CNTNAP2: variants seen among roughly 807,000 people sequenced by gnomAD.
CNTNAP2 encodes the protein contactin associated protein 2.
A neutral mutation model predicts 155.2 loss-of-function variants in CNTNAP2; 98 were observed. The ratio of observed to expected loss-of-function variants is 0.63; its 90% CI spans 0.54 to 0.75. CNTNAP2 has a LOEUF of 0.75. Ranked by LOEUF, CNTNAP2 falls within the 30% of genes least tolerant of loss-of-function variation. The pLI, the probability that CNTNAP2 is intolerant of heterozygous loss-of-function variation, is 0.00. For missense variants in CNTNAP2, 1,727 were observed against 1,688.1 expected (o/e 1.02, Z -0.40); for synonymous variants, 651 against 631.2 (o/e 1.03, Z -0.47).
chr7:148,063,910 G>A (rs182185992), intron 15 of CNTNAP2, among the ~76,000 whole-genome samples: 1 of 152,178 alleles, frequency 6.6e-6, no homozygotes, highest in Admixed American at 6.5e-5. Flanking sequence ...TTTTATATAA[G>A]GTGAGAGATG....
At chr7:147,333,833 C>T (rs530238005) in intron 9 of CNTNAP2, among the ~76,000 whole-genome samples, 1 of 152,140 alleles carries the variant, frequency 6.6e-6, no homozygotes, top group Non-Finnish European at 1.5e-5. Flanking sequence ...AAAATACAGG[C>T]AGTCATGGAC....
chr7:148,229,551 G>A lies in CNTNAP2; in HGVS notation c.3248-95G>A, dbSNP rs1278530527. The A allele has an allele frequency of 6.8e-6, 10 of 1,462,836 alleles. 1 individual carries two copies. The African/African-American group carries it at 7.0e-5, about 10-fold the overall frequency. The allele number at this position is 1,462,836 out of a possible 1,614,324, so 90.6% of individuals were successfully genotyped here. ...AAAGAAAGAAAAGAAAAGAAAGGAA[G>A]AAAGAAAGAATCTAAGAGCAGGAAT... On this transcript the variant is annotated intron_variant, in intron 19 of 23. Coordinates refer to ENST00000361727, the MANE Select transcript of CNTNAP2 (RefSeq NM_014141.6).
At chr7:147,737,707 C>T (rs1796879881) in intron 13 of CNTNAP2, among the ~76,000 whole-genome samples, 3 of 152,312 alleles carry the variant, frequency 2.0e-5, no homozygotes, top group South Asian at 4.1e-4. Context: ...CTACTCAAGC[C>T]TCAGCAATGG....
At chr7:146,844,733 A>G (rs1393005597) in intron 3 of CNTNAP2, among the ~76,000 whole-genome samples, 4 of 152,160 alleles carry the variant, frequency 2.6e-5, no homozygotes, top group Non-Finnish European at 5.9e-5. Context: ...GGATAGGAAC[A>G]TACTACAAAT....
intron 11 of CNTNAP2, among the ~76,000 whole-genome samples, chr7:147,519,327 T>A (rs1175068108): frequency 6.6e-6 from 1 of 152,208 alleles, no homozygotes; most frequent in Non-Finnish European, 1.5e-5. Flanking sequence ...CGCATTGCTC[T>A]GGCACTGACT....
chr7:147,919,448 A>AC (rs1461798472), intron 14 of CNTNAP2, among the ~76,000 whole-genome samples: 1 of 82,900 alleles, frequency 1.2e-5, no homozygotes, highest in East Asian at 3.9e-4. Context: ...ATGTCTGGCT[A>AC]CTTTTTCTTT....
At chr7:147,407,749 G>C (rs1797034371) in intron 10 of CNTNAP2, among the ~76,000 whole-genome samples, 1 of 152,120 alleles carries the variant, frequency 6.6e-6, no homozygotes, top group Non-Finnish European at 1.5e-5. Flanking sequence ...TACAGATAAT[G>C]ATTTCTATAG....
intron 2 of CNTNAP2, among the ~76,000 whole-genome samples, chr7:146,822,167 T>C (rs1803298468): frequency 6.6e-6 from 1 of 152,142 alleles, no homozygotes; most frequent in Non-Finnish European, 1.5e-5. Flanking sequence ...TCATGTCCTT[T>C]GTAGGGACAT....
At chr7:148,412,558 G>A (rs1426463342) in intron 23 of CNTNAP2, among the ~76,000 whole-genome samples, 2 of 152,306 alleles carry the variant, frequency 1.3e-5, no homozygotes, top group African/African-American at 4.8e-5. Context: ...CTTGCCTTCT[G>A]TGACCTTGCT....
intron 12 of CNTNAP2, among the ~76,000 whole-genome samples, chr7:147,599,837 A>C (rs949395236): frequency 6.6e-6 from 1 of 152,180 alleles, no homozygotes; most frequent in Admixed American, 6.5e-5. Flanking sequence ...ATCTGCAAAG[A>C]CGCTATTTCC....
intron 13 of CNTNAP2, among the ~76,000 whole-genome samples, chr7:147,835,886 A>G (rs865817551): frequency 2.4e-4 from 36 of 152,260 alleles, no homozygotes; most frequent in Middle Eastern, 3.4e-3. Flanking sequence ...TCACAAGACC[A>G]AGAATGCCAG....
chr7:147,421,914 CA>C (rs1457786908), intron 10 of CNTNAP2, among the ~76,000 whole-genome samples: 1 of 151,842 alleles, frequency 6.6e-6, no homozygotes, highest in Non-Finnish European at 1.5e-5. Flanking sequence ...GGCCTTTTTC[CA>C]TAAGTAAAGC....
At chr7:146,866,298 C>T (rs1347906689) in intron 3 of CNTNAP2, among the ~76,000 whole-genome samples, 1 of 151,838 alleles carries the variant, frequency 6.6e-6, no homozygotes, top group Non-Finnish European at 1.5e-5. Flanking sequence ...CCATATAAGC[C>T]TTTATAATAA....
intron 12 of CNTNAP2, among the ~76,000 whole-genome samples, chr7:147,615,759 C>T (rs1343593830): frequency 6.6e-6 from 1 of 152,018 alleles, no homozygotes; most frequent in Non-Finnish European, 1.5e-5. Flanking sequence ...CTTTCTTTCA[C>T]ATCAGACCAT....
chr7:147,866,750 G>GTTTTTTTTTTT (rs138084282), intron 13 of CNTNAP2, among the ~76,000 whole-genome samples: 1 of 147,930 alleles, frequency 6.8e-6, no homozygotes, highest in Admixed American at 6.7e-5. Context: ...TGCAACCCCT[G>GTTTTTTTTTTT]TTTTTTTTTT....
intron 8 of CNTNAP2, among the ~76,000 whole-genome samples, chr7:147,292,209 T>C (rs1010784722): frequency 2.0e-5 from 3 of 152,170 alleles, no homozygotes; most frequent in Non-Finnish European, 2.9e-5. Flanking sequence ...TTTTTTTGTT[T>C]GATTGTATAA....
chr7:148,164,478 GTCAC>G (rs915959015), intron 17 of CNTNAP2, among the ~76,000 whole-genome samples: 3 of 152,112 alleles, frequency 2.0e-5, no homozygotes, highest in Non-Finnish European at 2.9e-5. Context: ...TTTCCCACCA[GTCAC>G]TCACACCATT....
At chr7:146,813,140 A>G (rs1182116644) in intron 2 of CNTNAP2, among the ~76,000 whole-genome samples, 2 of 152,164 alleles carry the variant, frequency 1.3e-5, no homozygotes, top group Admixed American at 6.5e-5. Context: ...GTAGGGTCAG[A>G]GCCCCCACAC....
At chr7:146,438,359 A>AT (rs1796273857) in intron 1 of CNTNAP2, among the ~76,000 whole-genome samples, 1 of 150,368 alleles carries the variant, frequency 6.7e-6, no homozygotes, top group Non-Finnish European at 1.5e-5. Flanking sequence ...TGAAACACTG[A>AT]TTTTAGATGG....
Sources: gnomAD v4.1 joint callset for allele counts (sites outside exome capture counted in the v4.1 genomes callset) on GRCh38, gnomAD v4.1.1 for gene constraint, MANE v1.5 for transcripts, NCBI Gene and HGNC (gene_info 2026-07-23, HGNC 2026-07-21) for gene names.